The following C2CD5 variants were observed in gnomAD, a reference collection of about 807,000 sequenced individuals.
The protein encoded by C2CD5 is C2 calcium dependent domain containing 5.
Under a neutral mutation model 130.3 loss-of-function variants are expected in C2CD5, and 109 were observed. The observed-to-expected ratio is 0.84, with a 90% CI of 0.72 to 0.98. The LOEUF (loss-of-function observed/expected upper bound fraction) is 0.98. C2CD5 is among the 50% of genes least tolerant of loss of function. The probability of loss-of-function intolerance (pLI) is 0.00; values close to 1 mark genes in which losing one functional copy is unlikely to be tolerated. For synonymous variants in C2CD5, 454 were observed against 429.2 expected, an observed-to-expected ratio of 1.06 and a Z score of -0.71; for missense variants, 996 against 1,261.8, an observed-to-expected ratio of 0.79 and a Z score of 3.19.
chr12:22,495,126 T>C (rs992344336), intron 10 of C2CD5, among the ~76,000 whole-genome samples: 4 of 152,126 alleles, frequency 2.6e-5, no homozygotes, highest in African/African-American at 9.7e-5. Flanking sequence ...TTCTAACTTT[T>C]CTTAAACTCA....
chr12:22,506,447 G>A (rs1233614087), intron 10 of C2CD5, among the ~76,000 whole-genome samples: 1 of 151,898 alleles, frequency 6.6e-6, no homozygotes, highest in East Asian at 1.9e-4. Flanking sequence ...ATCTCCCCTG[G>A]GTCAAAGAAA....
intron 3 of C2CD5, among the ~76,000 whole-genome samples, chr12:22,529,474 G>A (rs776433741): frequency 6.6e-6 from 1 of 151,952 alleles, no homozygotes; most frequent in Non-Finnish European, 1.5e-5. Context: ...TGACATTAGG[G>A]GGTGCTATAC....
intron 22 of C2CD5, among the ~76,000 whole-genome samples, chr12:22,467,087 C>T (rs1942204757): frequency 6.6e-6 from 1 of 152,198 alleles, no homozygotes; most frequent in African/African-American, 2.4e-5. Context: ...CAAGAGGTAC[C>T]TCTGACAAAC....
intron 2 of C2CD5, among the ~76,000 whole-genome samples, chr12:22,543,483 T>C (rs1404826336): frequency 2.0e-5 from 3 of 152,318 alleles, no homozygotes; most frequent in East Asian, 1.9e-4. Flanking sequence ...ATTCACAAAA[T>C]GTTAGGCATG....
At position 22,499,436 on chromosome 12, in the gene C2CD5, C is replaced by T. The variant is rs141468453; in HGVS notation, c.1148-6099G>A. On this transcript the variant is annotated intron_variant, in intron 10 of 26. Transcript: ENST00000446597. Reference sequence around the variant, plus strand: ...TGTTTCACTTTGCTCACCTACAAAACAGGATTAGAGTCGACCTCAGAGATC... The same window carrying T: ...TGTTTCACTTTGCTCACCTACAAAATAGGATTAGAGTCGACCTCAGAGATC... 2.3e-3 allele frequency among the ~76,000 whole-genome samples: 345 copies of T among 152,336 alleles called. 2 individuals are homozygous for T. The highest frequency in any genetic ancestry group is 5.7e-3 in the African/African-American group (239 of 41,586).
chr12:22,511,606 G>A (rs1420551972), intron 9 of C2CD5, among the ~76,000 whole-genome samples: 1 of 152,140 alleles, frequency 6.6e-6, no homozygotes, highest in Non-Finnish European at 1.5e-5. Flanking sequence ...AGTAATCTAT[G>A]TCCAATGTGT....
At chr12:22,493,875 T>C (rs1316847317) in intron 10 of C2CD5, among the ~76,000 whole-genome samples, 2 of 149,794 alleles carry the variant, frequency 1.3e-5, no homozygotes, top group Non-Finnish European at 3.0e-5. Flanking sequence ...TTAGGCAAAA[T>C]ACAAGAAATT....
At chr12:22,507,897 C>T (rs1374115459) in intron 9 of C2CD5, among the ~76,000 whole-genome samples, 1 of 151,908 alleles carries the variant, frequency 6.6e-6, no homozygotes, top group Non-Finnish European at 1.5e-5. Flanking sequence ...CATATTCATA[C>T]TATATTATAG....
chr12:22,512,746 C>G (rs74941816), intron 9 of C2CD5: 1 of 1,139,194 alleles, frequency 8.8e-7, no homozygotes, highest in Non-Finnish European at 1.2e-6. Context: ...ACTGTAACTG[C>G]TTATTTTCCC....
intron 10 of C2CD5, 36 bp downstream of exon 10, chr12:22,506,675 A>T: frequency 8.8e-7 from 1 of 1,140,082 alleles, no homozygotes; most frequent in Non-Finnish European, 1.3e-6. Flanking sequence ...ACCACAATTT[A>T]AATAAAGGAA....
Position 22,527,723 on chromosome 12 carries a change from T to C in C2CD5, c.347A>G (p.His116Arg), listed in dbSNP as rs1460243396. Residue 116 changes from histidine (H) to arginine (R), a missense_variant and splice_region_variant, in exon 4 of 27, where the codon CAT becomes CGT. By Grantham distance (29) the His-to-Arg change is conservative. Transcript: ENST00000446597. ...AATACTTTCTTATTATTCCTTACCATGTATGGTGTCATAAATTGGAAACCA... is the reference window on the plus strand; with the variant it reads ...AATACTTTCTTATTATTCCTTACCACGTATGGTGTCATAAATTGGAAACCA... ...SGWFPIYDTI[H>R]GIRGEINVVV... 2.6e-6 allele frequency: 4 copies of C among 1,514,518 alleles called. No homozygotes were observed. The highest frequency in any genetic ancestry group is 2.3e-5 in the East Asian group (1 of 43,432). The allele number at this position is 1,514,518 out of a possible 1,614,324, so 93.8% of individuals were successfully genotyped here. A position where few individuals can be genotyped will look rare whatever the true frequency, so the allele number is the denominator to read the frequency against.
At chr12:22,484,534 G>GTT (rs111446465) in intron 13 of C2CD5, 163 bp downstream of exon 13, 41 of 361,776 alleles carry the variant, frequency 1.1e-4, no homozygotes, top group African/African-American at 6.6e-4. Context: ...TACACAGAGG[G>GTT]TTTTTTTTTT....
At chr12:22,509,370 C>T (rs955076851) in intron 9 of C2CD5, among the ~76,000 whole-genome samples, 1 of 152,118 alleles carries the variant, frequency 6.6e-6, no homozygotes, top group African/African-American at 2.4e-5. Flanking sequence ...CTTTACCCTT[C>T]TCCCCAAAGT....
chr12:22,521,634 A>G (rs1446616537), intron 7 of C2CD5, among the ~76,000 whole-genome samples: 1 of 152,242 alleles, frequency 6.6e-6, no homozygotes, highest in African/African-American at 2.4e-5. Context: ...GGCAGCTGGC[A>G]ATTCTTATCT....
intron 15 of C2CD5, 60 bp downstream of exon 15, chr12:22,478,253 C>CAT: frequency 6.3e-6 from 9 of 1,419,310 alleles, no homozygotes; most frequent in Non-Finnish European, 8.9e-6. Flanking sequence ...ATAAGATAAC[C>CAT]TAAAAATATA....
chr12:22,454,077 A>G, intron 25 of C2CD5, 35 bp from the exon 26 acceptor site: 1 of 1,537,650 alleles, frequency 6.5e-7, no homozygotes, highest in Non-Finnish European at 9.0e-7. Context: ...CATACTATAT[A>G]TACATGTGTA....
intron 15 of C2CD5, among the ~76,000 whole-genome samples, chr12:22,477,712 A>G (rs1944054214): frequency 6.6e-6 from 1 of 152,138 alleles, no homozygotes; most frequent in East Asian, 1.9e-4. Flanking sequence ...TCATCCACAG[A>G]GGAGGCAGCA....
At chr12:22,512,689 G>C in intron 9 of C2CD5, 1 of 1,459,960 alleles carries the variant, frequency 6.8e-7, no homozygotes, top group South Asian at 1.4e-5. Flanking sequence ...CCTTAGCAAT[G>C]AAGTTTATTT....
intron 21 of C2CD5, 83 bp downstream of exon 21, chr12:22,470,741 G>T: frequency 1.3e-6 from 1 of 775,116 alleles, no homozygotes; most frequent in Non-Finnish European, 2.2e-6. Context: ...GTAATTTATT[G>T]AATCCACCTG....
Sources: gnomAD v4.1 joint callset for allele counts (sites outside exome capture counted in the v4.1 genomes callset) on GRCh38, gnomAD v4.1.1 for gene constraint, MANE v1.5 for transcripts, NCBI Gene and HGNC (gene_info 2026-07-23, HGNC 2026-07-21) for gene names.